Variants in DAAM1 observed in about 807,000 individuals in gnomAD.
The protein encoded by DAAM1 is dishevelled associated activator of morphogenesis 1, also known as disheveled-associated activator of morphogenesis 1.
DAAM1 carries 52 observed loss-of-function variants against 130.0 expected under a neutral mutation model. That is an observed-to-expected ratio of 0.40 (90% CI 0.32 to 0.50). DAAM1 has a LOEUF of 0.50. Among genes scored for constraint, DAAM1 ranks in the 20% least tolerant of loss-of-function variants. The pLI, the probability that DAAM1 is intolerant of heterozygous loss-of-function variation, is 0.61. For missense variants in DAAM1, 1,134 were observed against 1,303.8 expected (o/e 0.87, Z 2.01); for synonymous variants, 452 against 444.5 (o/e 1.02, Z -0.21).
At chr14:59,282,585 C>T (rs1883273277) in intron 2 of DAAM1, among the ~76,000 whole-genome samples, 1 of 152,074 alleles carries the variant, frequency 6.6e-6, no homozygotes, top group African/African-American at 2.4e-5. Flanking sequence ...TTTTGCCTAC[C>T]TGTGTTGACA....
At position 59,368,673 on chromosome 14, in the gene DAAM1, A is replaced by G; in HGVS notation, c.3021A>G (p.Glu1007=). The G allele has an allele frequency of 6.2e-7, 1 of 1,613,468 alleles. No homozygotes were observed. The highest frequency in any genetic ancestry group is 8.5e-7 in the Non-Finnish European group (1 of 1,179,620). Residue 1007 remains glutamate (E), a synonymous_variant, in exon 25 of 25, where the codon GAA becomes GAG. Coordinates refer to ENST00000360909, the MANE Select transcript of DAAM1 (RefSeq NM_001270520.2). The part of the protein sequence containing the change: ...EAQLKEQRER[E]RKMRKAKENS... ...AGCTCAAAGAACAACGTGAAAGGGA[A>G]CGTAAAATGAGAAAAGCTAAAGAGA...
chr14:59,269,319 T>C (rs917964279), intron 2 of DAAM1, among the ~76,000 whole-genome samples: 1 of 152,250 alleles, frequency 6.6e-6, no homozygotes, highest in African/African-American at 2.4e-5. Flanking sequence ...TCCAGCTCCT[T>C]ACTCCTCTTG....
chr14:59,322,864 A>C, intron 5 of DAAM1, 28 bp from the exon 6 acceptor site: 1 of 1,564,548 alleles, frequency 6.4e-7, no homozygotes, highest in Non-Finnish European at 8.7e-7. Context: ...AAAGGCACTT[A>C]AGCATGGTGC....
intron 1 of DAAM1, among the ~76,000 whole-genome samples, chr14:59,235,311 C>T (rs1166860503): frequency 6.6e-6 from 1 of 152,162 alleles, no homozygotes; most frequent in Non-Finnish European, 1.5e-5. Flanking sequence ...ATTACTACCT[C>T]AATTTCAGAA....
At chr14:59,327,304 G>T (rs913000207) in intron 12 of DAAM1, among the ~76,000 whole-genome samples, 6 of 150,820 alleles carry the variant, frequency 4.0e-5, no homozygotes, top group African/African-American at 1.5e-4. Flanking sequence ...CCCCTACTCC[G>T]TCATGGCTCT....
intron 1 of DAAM1, among the ~76,000 whole-genome samples, chr14:59,206,162 T>C (rs1302359999): frequency 6.6e-6 from 1 of 152,188 alleles, no homozygotes; most frequent in African/African-American, 2.4e-5. Flanking sequence ...GCCCTCAAAG[T>C]GTTCTAAACT....
At chr14:59,314,768 C>T (rs1884721320) in intron 3 of DAAM1, among the ~76,000 whole-genome samples, 3 of 152,240 alleles carry the variant, frequency 2.0e-5, no homozygotes. Flanking sequence ...CTTTATTCTT[C>T]TACCTCTTCA....
At chr14:59,345,801 T>TA (rs2139658444) in intron 16 of DAAM1, among the ~76,000 whole-genome samples, 1 of 152,276 alleles carries the variant, frequency 6.6e-6, no homozygotes, top group East Asian at 1.9e-4. Context: ...ACTGTTAAAA[T>TA]AAGGACCTCA....
At chr14:59,333,931 C>T (rs1885534372) in intron 15 of DAAM1, among the ~76,000 whole-genome samples, 1 of 152,188 alleles carries the variant, frequency 6.6e-6, no homozygotes, top group Admixed American at 6.5e-5. Context: ...GTAATTGTCT[C>T]CTAGCAACCA....
intron 1 of DAAM1, among the ~76,000 whole-genome samples, chr14:59,230,699 CAAT>C (rs2139443524): frequency 8.6e-6 from 1 of 116,242 alleles, no homozygotes; most frequent in East Asian, 3.0e-4. Context: ...TGACTGTAGT[CAAT>C]AATAACTTAA....
chr14:59,305,250 G>A (rs886093407), intron 3 of DAAM1, among the ~76,000 whole-genome samples: 4 of 152,198 alleles, frequency 2.6e-5, no homozygotes, highest in Non-Finnish European at 5.9e-5. Flanking sequence ...GGAATAATTT[G>A]TTTTATGTCA....
chr14:59,225,018 G>T (rs978839667), intron 1 of DAAM1, among the ~76,000 whole-genome samples: 2 of 102,868 alleles, frequency 1.9e-5, no homozygotes, highest in African/African-American at 3.5e-5. Flanking sequence ...AATCTGTGTG[G>T]GTTTTTTTTT....
intron 4 of DAAM1, among the ~76,000 whole-genome samples, chr14:59,319,944 ACT>A (rs1334268234): frequency 2.1e-5 from 3 of 145,422 alleles, no homozygotes; most frequent in East Asian, 2.0e-4. Context: ...ACACACACAC[ACT>A]CACTCCATAT....
intron 15 of DAAM1, among the ~76,000 whole-genome samples, chr14:59,335,729 A>G (rs891591432): frequency 1.3e-5 from 2 of 152,034 alleles, no homozygotes; most frequent in Admixed American, 6.6e-5. Context: ...CAAAGCCTCT[A>G]CTCTGGGTTA....
intron 1 of DAAM1, among the ~76,000 whole-genome samples, chr14:59,234,160 T>C (rs1889212598): frequency 6.6e-6 from 1 of 152,200 alleles, no homozygotes; most frequent in African/African-American, 2.4e-5. Flanking sequence ...TTTTTCTAAT[T>C]CTGTGAAGAA....
intron 1 of DAAM1, among the ~76,000 whole-genome samples, chr14:59,249,028 C>A (rs1227865931): frequency 1.3e-5 from 2 of 152,186 alleles, no homozygotes; most frequent in African/African-American, 4.8e-5. Flanking sequence ...ACCTCGTGAT[C>A]CGTCTGCCTC....
At chr14:59,230,615 A>AG (rs1889075629) in intron 1 of DAAM1, among the ~76,000 whole-genome samples, 1 of 152,028 alleles carries the variant, frequency 6.6e-6, no homozygotes, top group Admixed American at 6.6e-5. Flanking sequence ...GGGGGCTTGG[A>AG]GGGAGTGGGG....
chr14:59,326,729 C>T, intron 11 of DAAM1, 81 bp downstream of exon 11: 1 of 1,568,324 alleles, frequency 6.4e-7, no homozygotes, highest in Non-Finnish European at 8.6e-7. Context: ...AGAGTAACAG[C>T]TGGGAGAGCT....
chr14:59,286,917 C>T (rs911510324), intron 2 of DAAM1, among the ~76,000 whole-genome samples: 2 of 152,114 alleles, frequency 1.3e-5, no homozygotes, highest in Non-Finnish European at 2.9e-5. Context: ...AGAGAAGGGA[C>T]TCCTCCCTAA....
Sources: allele counts gnomAD v4.1 joint callset (sites outside exome capture counted in the v4.1 genomes callset), GRCh38; gene constraint gnomAD v4.1.1; transcripts MANE v1.5; gene names NCBI Gene and HGNC (gene_info 2026-07-23, HGNC 2026-07-21).